Variants in PTPRT observed in about 807,000 individuals in gnomAD.
PTPRT encodes the protein protein tyrosine phosphatase receptor type T.
Under a neutral mutation model 176.8 loss-of-function variants are expected in PTPRT, and 56 were observed. The ratio of observed to expected loss-of-function variants is 0.32; its 90% CI spans 0.26 to 0.40. The LOEUF (loss-of-function observed/expected upper bound fraction) is 0.40. PTPRT is among the 10% of genes least tolerant of loss of function. PTPRT has a pLI of 1.00. For missense variants in PTPRT, 1,540 were observed against 1,908.2 expected (o/e 0.81, Z 3.60); for synonymous variants, 783 against 739.0 (o/e 1.06, Z -0.96).
chr20:42,368,121 C>T (rs760214155), intron 9 of PTPRT, among the ~76,000 whole-genome samples: 13 of 152,154 alleles, frequency 8.5e-5, no homozygotes, highest in Non-Finnish European at 1.9e-4. Context: ...TAGACCTTTC[C>T]TTCTGGTTCA....
intron 7 of PTPRT, among the ~76,000 whole-genome samples, chr20:42,561,933 T>C (rs2072958987): frequency 6.6e-6 from 1 of 152,180 alleles, no homozygotes; most frequent in African/African-American, 2.4e-5. Flanking sequence ...TAGAGCTAGC[T>C]GTACCTCCAT....
intron 8 of PTPRT, among the ~76,000 whole-genome samples, chr20:42,469,611 C>G (rs890481012): frequency 6.6e-6 from 1 of 152,162 alleles, no homozygotes; most frequent in African/African-American, 2.4e-5. Flanking sequence ...ACAATTCTAC[C>G]TGCTGGAGGA....
At chr20:42,596,768 A>G (rs908594440) in intron 7 of PTPRT, among the ~76,000 whole-genome samples, 4 of 152,248 alleles carry the variant, frequency 2.6e-5, no homozygotes, top group Non-Finnish European at 5.9e-5. Flanking sequence ...GAGGGCCACA[A>G]ATTAAACAAG....
intron 4 of PTPRT, among the ~76,000 whole-genome samples, chr20:42,777,188 G>A (rs1228470978): frequency 7.0e-6 from 1 of 142,624 alleles, no homozygotes; most frequent in Non-Finnish European, 1.6e-5. Flanking sequence ...AGCACTCCCT[G>A]CAGCAGAGCC....
rs979712365 is a variant in PTPRT, at chr20:43,119,703, T to A, written c.88+69943A>T. On this transcript the variant is annotated intron_variant, in intron 1 of 30. Transcript: ENST00000373187. The stretch of plus-strand genomic sequence containing the variant: ...CCTTTTTATGATTATTGCCAAAAAA[T>A]TTTTAACAAACATTAATATAATGCA... Among the ~76,000 whole-genome samples, 11 of 152,162 alleles carry A rather than the reference T, an allele frequency of 7.2e-5. No individual in the cohort carries two copies. The South Asian group carries it at 1.2e-3, about 17-fold the overall frequency.
chr20:42,794,903 C>T (rs1319460829), intron 2 of PTPRT, among the ~76,000 whole-genome samples: 2 of 152,030 alleles, frequency 1.3e-5, no homozygotes, highest in Non-Finnish European at 2.9e-5. Context: ...TAGCCCCTTC[C>T]ACATGTAGCC....
chr20:42,622,691 A>C (rs2145862416), intron 7 of PTPRT, among the ~76,000 whole-genome samples: 1 of 152,282 alleles, frequency 6.6e-6, no homozygotes, highest in East Asian at 1.9e-4. Context: ...TAGATGTCGA[A>C]ATAAAAAACA....
At chr20:43,123,246 G>A (rs2013330992) in intron 1 of PTPRT, among the ~76,000 whole-genome samples, 1 of 152,182 alleles carries the variant, frequency 6.6e-6, no homozygotes, top group Non-Finnish European at 1.5e-5. Flanking sequence ...ATCAACACAA[G>A]GGGAAGAGTA....
chr20:42,584,131 C>T (rs1410175387), intron 7 of PTPRT, among the ~76,000 whole-genome samples: 1 of 152,190 alleles, frequency 6.6e-6, no homozygotes, highest in Non-Finnish European at 1.5e-5. Flanking sequence ...TCTTCTGATG[C>T]TACATGGAGT....
At chr20:42,866,736 C>A (rs570917079) in intron 2 of PTPRT, among the ~76,000 whole-genome samples, 2 of 152,130 alleles carry the variant, frequency 1.3e-5, no homozygotes, top group Admixed American at 6.5e-5. Context: ...TCCTAGAATA[C>A]TACATTATTC....
At chr20:42,947,791 A>G (rs770567417) in intron 1 of PTPRT, among the ~76,000 whole-genome samples, 4 of 151,092 alleles carry the variant, frequency 2.6e-5, no homozygotes, top group African/African-American at 7.3e-5. Flanking sequence ...CCACCCCAGG[A>G]CTCCCGGAAA....
At chr20:42,656,340 A>T (rs1473796711) in intron 7 of PTPRT, among the ~76,000 whole-genome samples, 1 of 152,194 alleles carries the variant, frequency 6.6e-6, no homozygotes, top group Non-Finnish European at 1.5e-5. Flanking sequence ...CAAATATTTG[A>T]CATGTGTTAA....
intron 17 of PTPRT, among the ~76,000 whole-genome samples, chr20:42,155,792 C>T (rs1343050602): frequency 6.6e-6 from 1 of 152,146 alleles, no homozygotes; most frequent in Non-Finnish European, 1.5e-5. Flanking sequence ...CTGGTTTGGG[C>T]AGCCCCATAT....
chr20:42,983,788 CT>C (rs1983410338), intron 1 of PTPRT, among the ~76,000 whole-genome samples: 1 of 152,212 alleles, frequency 6.6e-6, no homozygotes. Context: ...TCCTGCCTTA[CT>C]TCTGGCAACC....
rs773133461 is a variant in PTPRT at position 42,472,244 on chromosome 20, T to C, written c.1450+22A>G. 5 of 1,607,190 alleles carry C rather than the reference T, an allele frequency of 3.1e-6. No homozygotes were observed. The East Asian group carries it at 1.1e-4, about 36-fold the overall frequency. ...TAGATTCAATATCCCCATTCCCATG[T>C]AAGCTCTCCTCCCTTGCTCACCGTC... On this transcript the variant is annotated intron_variant, in intron 8 of 30. Coordinates refer to ENST00000373187, the MANE Select transcript of PTPRT (RefSeq NM_007050.6).
At chr20:42,467,251 T>C (rs1009371274) in intron 8 of PTPRT, among the ~76,000 whole-genome samples, 1 of 152,146 alleles carries the variant, frequency 6.6e-6, no homozygotes, top group African/African-American at 2.4e-5. Context: ...AATACAATAC[T>C]CATTCCATCT....
intron 18 of PTPRT, among the ~76,000 whole-genome samples, chr20:42,130,217 G>C (rs563037008): frequency 6.6e-6 from 1 of 152,358 alleles, no homozygotes; most frequent in Admixed American, 6.5e-5. Context: ...GTTACAAAGA[G>C]TTGAGCAGCC....
intron 16 of PTPRT, among the ~76,000 whole-genome samples, chr20:42,173,305 A>G (rs1398882572): frequency 6.6e-6 from 1 of 152,124 alleles, no homozygotes; most frequent in African/African-American, 2.4e-5. Flanking sequence ...CTGGGCCACA[A>G]TAAAGGGTTT....
chr20:42,626,761 C>A (rs2074297570), intron 7 of PTPRT, among the ~76,000 whole-genome samples: 1 of 152,276 alleles, frequency 6.6e-6, no homozygotes, highest in Admixed American at 6.5e-5. Flanking sequence ...TGAATCTGTA[C>A]AATAGCCCAG....
Sources: allele counts gnomAD v4.1 joint callset (sites outside exome capture counted in the v4.1 genomes callset), GRCh38; gene constraint gnomAD v4.1.1; transcripts MANE v1.5; gene names NCBI Gene and HGNC (gene_info 2026-07-23, HGNC 2026-07-21).